SCAPER: variants seen among roughly 807,000 people sequenced by gnomAD.
SCAPER encodes S-phase cyclin A associated protein in the ER.
Under a neutral mutation model 182.2 loss-of-function variants are expected in SCAPER, and 98 were observed. The observed-to-expected ratio is 0.54, with a 90% CI of 0.46 to 0.64. The LOEUF (loss-of-function observed/expected upper bound fraction) is 0.64. SCAPER is among the 30% of genes least tolerant of loss of function. SCAPER has a pLI of 0.00. For missense variants in SCAPER, 1,432 were observed against 1,690.0 expected (o/e 0.85, Z 2.68); for synonymous variants, 605 against 564.6 (o/e 1.07, Z -1.01).
At chr15:76,657,761 C>A (rs1304589136) in intron 21 of SCAPER, among the ~76,000 whole-genome samples, 1 of 151,996 alleles carries the variant, frequency 6.6e-6, no homozygotes, top group African/African-American at 2.4e-5. Flanking sequence ...GGTTGGTCAA[C>A]AAACACAAAT....
At chr15:76,367,590 T>C (rs2041895096) in intron 29 of SCAPER, among the ~76,000 whole-genome samples, 2 of 152,242 alleles carry the variant, frequency 1.3e-5, no homozygotes, top group African/African-American at 2.4e-5. Context: ...CCTACCTCAG[T>C]TGACGTCCTG....
At chr15:76,355,950 T>C (rs989708045) in intron 29 of SCAPER, among the ~76,000 whole-genome samples, 1 of 152,222 alleles carries the variant, frequency 6.6e-6, no homozygotes, top group South Asian at 2.1e-4. Context: ...TGTAGGCAGT[T>C]TGGTTACCAT....
rs144552010 is a variant in SCAPER, at chr15:76,898,004, G to A, written c.-60+7295C>T. 8.6e-3 allele frequency among the ~76,000 whole-genome samples: 1,313 copies of A among 152,222 alleles called. 13 individuals carry two copies. The highest frequency in any genetic ancestry group is 0.014 in the Non-Finnish European group (969 of 68,020). On this transcript the variant is annotated intron_variant, in intron 1 of 31. Transcript: ENST00000563290. ...AGGATTTCTGGGGAGCAATTCACTT[G>A]ATTATATGAATAAAAAGCCAACAGA...
chr15:76,848,359 C>T (rs1353627825), intron 4 of SCAPER, among the ~76,000 whole-genome samples: 19 of 143,938 alleles, frequency 1.3e-4, no homozygotes, highest in African/African-American at 5.0e-4. Flanking sequence ...CACAGAGTCT[C>T]GCTCTGTCGC....
At chr15:76,844,661 C>A (rs1386669054) in intron 4 of SCAPER, among the ~76,000 whole-genome samples, 3 of 151,980 alleles carry the variant, frequency 2.0e-5, no homozygotes, top group Non-Finnish European at 4.4e-5. Flanking sequence ...CAAGATTGAA[C>A]CATAAAGAAA....
intron 2 of SCAPER, among the ~76,000 whole-genome samples, chr15:76,876,350 A>C (rs941888637): frequency 6.7e-6 from 1 of 149,902 alleles, no homozygotes; most frequent in Non-Finnish European, 1.5e-5. Context: ...GAGGGCTGCG[A>C]GGGCTGCCAG....
At chr15:76,842,793 G>T (rs901392658) in intron 4 of SCAPER, among the ~76,000 whole-genome samples, 1 of 152,130 alleles carries the variant, frequency 6.6e-6, no homozygotes, top group Non-Finnish European at 1.5e-5. Flanking sequence ...GTTGTTCAAG[G>T]TCACATTGCC....
chr15:76,398,957 A>C (rs544696064), intron 27 of SCAPER, among the ~76,000 whole-genome samples: 9 of 152,288 alleles, frequency 5.9e-5, no homozygotes, highest in African/African-American at 2.2e-4. Context: ...TCAATTTATA[A>C]TCACTCATTA....
intron 29 of SCAPER, among the ~76,000 whole-genome samples, chr15:76,360,261 C>T (rs1214861196): frequency 6.6e-6 from 1 of 152,188 alleles, no homozygotes; most frequent in Non-Finnish European, 1.5e-5. Context: ...AAACCTGTTA[C>T]TGGCAGAGAT....
chr15:76,537,007 C>A (rs2044227124), intron 23 of SCAPER, among the ~76,000 whole-genome samples: 1 of 152,132 alleles, frequency 6.6e-6, no homozygotes, highest in African/African-American at 2.4e-5. Context: ...ATCCAACTTA[C>A]AAGGGACGTG....
intron 5 of SCAPER, among the ~76,000 whole-genome samples, chr15:76,818,162 CT>C (rs1276825030): frequency 6.6e-6 from 1 of 152,192 alleles, no homozygotes; most frequent in East Asian, 1.9e-4. Flanking sequence ...ATCAACTGAT[CT>C]TTGACTAACG....
At chr15:76,494,746 G>A (rs1384942411) in intron 24 of SCAPER, among the ~76,000 whole-genome samples, 2 of 151,806 alleles carry the variant, frequency 1.3e-5, no homozygotes, top group African/African-American at 4.9e-5. Context: ...ATATCTTATT[G>A]ATTGATAAGA....
At chr15:76,427,751 G>A (rs1043436570) in intron 26 of SCAPER, among the ~76,000 whole-genome samples, 8 of 151,982 alleles carry the variant, frequency 5.3e-5, no homozygotes, top group African/African-American at 1.9e-4. Flanking sequence ...TGGCCAACAT[G>A]GTGAAACCCC....
intron 23 of SCAPER, among the ~76,000 whole-genome samples, chr15:76,527,459 TAC>T (rs2043294927): frequency 6.6e-6 from 1 of 152,224 alleles, no homozygotes; most frequent in African/African-American, 2.4e-5. Flanking sequence ...ATATTGCAGA[TAC>T]AGTTACTGAG....
intron 8 of SCAPER, among the ~76,000 whole-genome samples, chr15:76,786,847 T>TGTCCATTGC (rs2064648236): frequency 6.6e-6 from 1 of 152,218 alleles, no homozygotes; most frequent in South Asian, 2.1e-4. Flanking sequence ...TGCATTTCTA[T>TGTCCATTGC]ATACTAATAA....
chr15:76,348,581 G>A lies in SCAPER; in HGVS notation c.*52C>T, dbSNP rs2040320799. On this transcript the variant is annotated 3_prime_UTR_variant, in exon 32 of 32. Transcript: ENST00000563290. ...AAGGAACAATTAGAATGTTTGTTTG[G>A]ACAATTTAAAATATTAACAAGGGTA... is the stretch of plus-strand genomic sequence containing the variant. 8.1e-7 allele frequency: 1 copy of A among 1,238,470 alleles called. No homozygotes were observed. The highest frequency in any genetic ancestry group is 1.1e-6 in the Non-Finnish European group (1 of 883,160). The allele number at this position is 1,238,470 out of a possible 1,614,324, so 76.7% of individuals were successfully genotyped here.
chr15:76,839,381 T>C (rs2069243470), intron 5 of SCAPER, among the ~76,000 whole-genome samples: 1 of 152,176 alleles, frequency 6.6e-6, no homozygotes, highest in Non-Finnish European at 1.5e-5. Context: ...GCGTCATGTA[T>C]CTCATAAAGA....
At chr15:76,425,182 T>A (rs2046336056) in intron 26 of SCAPER, among the ~76,000 whole-genome samples, 1 of 152,184 alleles carries the variant, frequency 6.6e-6, no homozygotes, top group South Asian at 2.1e-4. Flanking sequence ...GGTTGGGGAA[T>A]TTCTCCTGGA....
intron 21 of SCAPER, among the ~76,000 whole-genome samples, chr15:76,663,477 T>G (rs958137254): frequency 6.6e-6 from 1 of 152,052 alleles, no homozygotes; most frequent in East Asian, 1.9e-4. Flanking sequence ...GAAACCTAAA[T>G]GTCTATCAGT....
Sources: gnomAD v4.1 joint callset for allele counts (sites outside exome capture counted in the v4.1 genomes callset) on GRCh38, gnomAD v4.1.1 for gene constraint, MANE v1.5 for transcripts, NCBI Gene and HGNC (gene_info 2026-07-23, HGNC 2026-07-21) for gene names.